ANXA9: variants seen among roughly 807,000 people sequenced by gnomAD.
The protein encoded by ANXA9 is annexin A9.
A neutral mutation model predicts 51.8 loss-of-function variants in ANXA9; 47 were observed. That is an observed-to-expected ratio of 0.91 (90% CI 0.72 to 1.16). ANXA9 has a LOEUF of 1.16. Ranked by LOEUF, ANXA9 falls within the 50% of genes most tolerant of loss-of-function variation. The pLI, the probability that ANXA9 is intolerant of heterozygous loss-of-function variation, is 0.00. For synonymous variants in ANXA9, 154 were observed against 168.7 expected (o/e 0.91, Z 0.68); for missense variants, 361 against 424.7 (o/e 0.85, Z 1.32).
intron 3 of ANXA9, 52 bp from the exon 4 acceptor site, chr1:150,983,286 A>C: frequency 1.2e-6 from 2 of 1,602,182 alleles, no homozygotes; most frequent in Admixed American, 1.7e-5. Context: ...TATGCTGAGG[A>C]GGTGTAGGCA....
At chr1:150,988,026 G>T (rs188413793) in intron 10 of ANXA9, 65 bp from the exon 11 acceptor site, 1 of 1,613,692 alleles carries the variant, frequency 6.2e-7, no homozygotes, top group East Asian at 2.2e-5. Context: ...GGTGGGGAGG[G>T]CCCATCCTTT....
intron 12 of ANXA9, among the ~76,000 whole-genome samples, chr1:150,992,205 T>A (rs999981359): frequency 6.6e-6 from 1 of 152,230 alleles, no homozygotes; most frequent in Non-Finnish European, 1.5e-5. Context: ...TAAAAATTAA[T>A]GTTCCTGGTG....
Position 150,983,098 on chromosome 1 carries a change from G to C in ANXA9, c.-8G>C. On this transcript the variant is annotated 5_prime_UTR_variant, in exon 3 of 14. Coordinates refer to ENST00000368947, the MANE Select transcript of ANXA9 (RefSeq NM_003568.3). ...CCTGTTTCCTTCCCCAGGGCAACCA[G>C]TAGCACCATGTCTGTGACTGGCGGG... 3.7e-6 allele frequency: 6 copies of C among 1,613,732 alleles called. No individual in the cohort carries two copies. Among genetic ancestry groups the C allele is most frequent in the Non-Finnish European group, 5.1e-6 (6 of 1,179,766 alleles).
intron 13 of ANXA9, among the ~76,000 whole-genome samples, 184 bp from the exon 14 acceptor site, chr1:150,995,076 G>A (rs1022953929): frequency 1.3e-5 from 2 of 152,218 alleles, no homozygotes; most frequent in Admixed American, 1.3e-4. Flanking sequence ...TGGGTGACAG[G>A]GCAAGACTCC....
chr1:150,989,073 G>A (rs946357148), intron 12 of ANXA9, among the ~76,000 whole-genome samples: 1 of 151,608 alleles, frequency 6.6e-6, no homozygotes, highest in Middle Eastern at 3.2e-3. Flanking sequence ...TCCGCCTCCT[G>A]GATTCAAGCG....
chr1:150,986,391 G>A lies in ANXA9; in HGVS notation c.528G>A (p.Gln176=). ...DITSETSGIL[Q]DLLLALAKGG... is the part of the protein sequence containing the mutation. ...CATCTGAGACCAGTGGCATCTTGCA[G>A]GACCTGCTGTTGGCCCTGGCCAAGG... Residue 176 remains glutamine, a synonymous_variant, in exon 8 of 14, where the codon CAG becomes CAA. Coordinates refer to ENST00000368947, the MANE Select transcript of ANXA9 (RefSeq NM_003568.3). The A allele has an allele frequency of 6.2e-7, 1 of 1,614,208 alleles. No homozygotes were observed. Among genetic ancestry groups the A allele is most frequent in the Non-Finnish European group, 8.5e-7 (1 of 1,180,014 alleles).
rs954842592 is a variant in ANXA9 at position 150,983,020 on chromosome 1, C to CG, written c.-16-63dup. On this transcript the variant is annotated intron_variant, in intron 2 of 13. Coordinates refer to ENST00000368947, the MANE Select transcript of ANXA9 (RefSeq NM_003568.3). ...GACTGGAACCCAGGGTCCAGGGTCT[C>CG]GGGGGGGTCATAAGGAGTCCCTGAA... 187 of 1,192,124 alleles carry CG rather than the reference C, an allele frequency of 1.6e-4. 1 individual carries two copies. Among genetic ancestry groups the CG allele is most frequent in the Admixed American group, 1.1e-3 (54 of 47,008 alleles). 73.8% of individuals were successfully genotyped at this position (1,192,124 alleles called of 1,614,324 possible). A position where few individuals can be genotyped will look rare whatever the true frequency, so the allele number is the denominator to read the frequency against.
upstream of ANXA9, among the ~76,000 whole-genome samples, chr1:150,980,728 C>T (rs1312038208): frequency 7.3e-5 from 11 of 151,414 alleles, no homozygotes; most frequent in African/African-American, 2.4e-4. Context: ...TACAGGCATG[C>T]GCCGCCATGC....
chr1:150,987,900 G>T lies in ANXA9; in HGVS notation c.641G>T (p.Arg214Ile). 6.2e-7 allele frequency: 1 copy of T among 1,614,088 alleles called. No individual in the cohort carries two copies. The highest frequency in any genetic ancestry group is 1.1e-5 in the South Asian group (1 of 91,070). ...QALQRAEGPS[R>I]EETWVPVFTQ... ...CTGCAGCGGGCAGAAGGACCTAGCAGAGAGGAAACATGGGTCCCAGTCTTC... is the reference window on the plus strand; with the variant it reads ...CTGCAGCGGGCAGAAGGACCTAGCATAGAGGAAACATGGGTCCCAGTCTTC... The change falls in exon 10 of 14, where the codon AGA (arginine) becomes ATA (isoleucine). Residue 214 changes from arginine (R) to isoleucine (I), a missense_variant. Arg to Ile is a moderately conservative substitution (Grantham distance 97). Coordinates refer to ENST00000368947, the MANE Select transcript of ANXA9 (RefSeq NM_003568.3).
chr1:150,983,707 A>T (rs150243277), intron 4 of ANXA9, among the ~76,000 whole-genome samples: 1 of 152,242 alleles, frequency 6.6e-6, no homozygotes, highest in African/African-American at 2.4e-5. Context: ...CGGAGGTGGT[A>T]TTCTCATCTA....
upstream of ANXA9, among the ~76,000 whole-genome samples, chr1:150,978,059 C>G (rs1671365018): frequency 6.6e-6 from 1 of 152,038 alleles, no homozygotes; most frequent in South Asian, 2.1e-4. Flanking sequence ...TTGCTTGAAC[C>G]TAGGAGGGTG....
Position 150,984,300 on chromosome 1 carries a change from A to C in ANXA9, c.287A>C (p.Gln96Pro). The C allele has an allele frequency of 6.2e-7, 1 of 1,614,174 alleles. No individual in the cohort carries two copies. Among genetic ancestry groups the C allele is most frequent in the Non-Finnish European group, 8.5e-7 (1 of 1,180,016 alleles). The change falls in exon 6 of 14, where the codon CAG becomes CCG. Residue 96 changes from glutamine (Q) to proline (P), a missense_variant. Transcript: ENST00000368947. ...RTQQDLMKSLQAALSGNLERI... is the reference protein window; with the variant it reads ...RTQQDLMKSLPAALSGNLERI... ...TTGTAGGACCTGATGAAGTCTCTAC[A>C]GGCAGCACTTTCCGGCAACCTGGAG...
At position 150,983,994 on chromosome 1, in the gene ANXA9, T is replaced by C; in HGVS notation, c.192T>C (p.Ile64=). Residue 64 remains isoleucine, a synonymous_variant, in exon 5 of 14, where the codon ATT becomes ATC. Coordinates refer to ENST00000368947, the MANE Select transcript of ANXA9 (RefSeq NM_003568.3). ...ITGQGVDRSA[I]VDVLTNRSRE... ...GTTCAGGCGTGGACCGCAGTGCCAT[T>C]GTGGACGTGCTGACCAACCGGAGCA... 2 of 1,612,578 alleles carry C rather than the reference T, an allele frequency of 1.2e-6. No homozygotes were observed. The highest frequency in any genetic ancestry group is 1.1e-5 in the South Asian group (1 of 90,880).
At position 150,984,690 on chromosome 1, in the gene ANXA9, G is replaced by A. The variant is rs1379946463; in HGVS notation, c.472+14G>A. Reference sequence around the variant, plus strand: ...TCTACAAACACAGTAAGAATATAGAGGGAGGGGTCCCAGATGCTGGAGAAG... The same window carrying A: ...TCTACAAACACAGTAAGAATATAGAAGGAGGGGTCCCAGATGCTGGAGAAG... On this transcript the variant is annotated intron_variant, in intron 7 of 13. Coordinates refer to ENST00000368947, the MANE Select transcript of ANXA9 (RefSeq NM_003568.3). The A allele has an allele frequency of 4.3e-6, 7 of 1,610,336 alleles. No individual in the cohort carries two copies. In the South Asian group the frequency reaches 4.4e-5, roughly 10 times the overall value.
rs759390638 is a variant in ANXA9 at position 150,984,331 on chromosome 1, T to C, written c.318T>C (p.Ile106=). ...CACTTTCCGGCAACCTGGAGAGGATTGTGATGGCTCTGCTGCAGCCCACAG... is the reference window on the plus strand; with the variant it reads ...CACTTTCCGGCAACCTGGAGAGGATCGTGATGGCTCTGCTGCAGCCCACAG... ...QAALSGNLER[I]VMALLQPTAQ... Residue 106 remains isoleucine (I), a synonymous_variant, in exon 6 of 14, where the codon ATT becomes ATC. Transcript: ENST00000368947. 1 of 1,614,118 alleles carries C rather than the reference T, an allele frequency of 6.2e-7. No homozygotes were observed. Among genetic ancestry groups the C allele is most frequent in the Non-Finnish European group, 8.5e-7 (1 of 1,180,024 alleles).
In ANXA9 at chr1:150,984,079, T is replaced by C. The variant is rs1671490276; in HGVS notation, c.267+10T>C. ...GGAGCGCACCCAACAGGTGAGGCCA[T>C]GCTGACCTCCCACAGCAGTGGACTG... On this transcript the variant is annotated intron_variant, in intron 5 of 13. Transcript: ENST00000368947. The C allele has an allele frequency of 6.2e-7, 1 of 1,607,576 alleles. No individual in the cohort carries two copies.
At chr1:150,987,771 C>A in intron 9 of ANXA9, 101 bp from the exon 10 acceptor site, 1 of 937,878 alleles carries the variant, frequency 1.1e-6, no homozygotes, top group South Asian at 1.6e-5. Flanking sequence ...ATCCCATTTC[C>A]ATCATGATGA....
intron 7 of ANXA9, among the ~76,000 whole-genome samples, chr1:150,985,471 T>C (rs1571688958): frequency 6.6e-6 from 1 of 152,110 alleles, no homozygotes; most frequent in Non-Finnish European, 1.5e-5. Context: ...TCTCACCCAC[T>C]AATTTGTGGC....
intron 3 of ANXA9, 72 bp from the exon 4 acceptor site, chr1:150,983,266 G>A (rs953327570): frequency 4.4e-6 from 7 of 1,598,056 alleles, no homozygotes; most frequent in East Asian, 2.2e-5. Context: ...TGGAGGACAG[G>A]CCCTGAGGTT....
Sources: gnomAD v4.1 joint callset for allele counts (sites outside exome capture counted in the v4.1 genomes callset) on GRCh38, gnomAD v4.1.1 for gene constraint, MANE v1.5 for transcripts, NCBI Gene and HGNC (gene_info 2026-07-23, HGNC 2026-07-21) for gene names.